PSPH: variants seen among roughly 807,000 people sequenced by gnomAD.
PSPH encodes L-3-phosphoserine phosphatase.
Under a neutral mutation model 23.4 loss-of-function variants are expected in PSPH, and 16 were observed. That is an observed-to-expected ratio of 0.68 (90% CI 0.46 to 1.04). The LOEUF is 1.04. Ranked by LOEUF, PSPH falls within the 50% of genes least tolerant of loss-of-function variation. The pLI is 0.00. For synonymous variants in PSPH, 68 were observed against 99.7 expected (o/e 0.68, Z 1.89); for missense variants, 223 against 273.7 (o/e 0.81, Z 1.31).
At chr7:56,026,588 G>A (rs1026153571) in intron 3 of PSPH, among the ~76,000 whole-genome samples, 1 of 150,888 alleles carries the variant, frequency 6.6e-6, no homozygotes, top group Non-Finnish European at 1.5e-5. Context: ...ATTGCTTAAG[G>A]CTAGGAGTTT....
In PSPH at chr7:56,011,245, A is replaced by G. The variant is rs1461895493; in HGVS notation, c.*517T>C. 3.3e-5 allele frequency: 5 copies of G among 153,152 alleles called. No individual in the cohort carries two copies. The highest frequency in any genetic ancestry group is 1.2e-4 in the African/African-American group (5 of 41,458). 9.5% of individuals were successfully genotyped at this position (153,152 alleles called of 1,614,324 possible). On this transcript the variant is annotated 3_prime_UTR_variant, in exon 8 of 8. Coordinates refer to ENST00000275605, the MANE Select transcript of PSPH (RefSeq NM_004577.4). Reference sequence around the variant, plus strand: ...TTCAGATCACAAAACTCTCTAGGACATTGGCTGGGCGCGGTGGCCCAAGCC... The same window carrying G: ...TTCAGATCACAAAACTCTCTAGGACGTTGGCTGGGCGCGGTGGCCCAAGCC...
At chr7:56,012,872 GGC>G (rs1045923436) in intron 7 of PSPH, among the ~76,000 whole-genome samples, 1 of 149,810 alleles carries the variant, frequency 6.7e-6, no homozygotes, top group Non-Finnish European at 1.5e-5. Flanking sequence ...TGGGATTACA[GGC>G]GTGAGCCACT....
At chr7:56,026,755 C>G (rs1790243617) in intron 3 of PSPH, among the ~76,000 whole-genome samples, 1 of 152,170 alleles carries the variant, frequency 6.6e-6, no homozygotes, top group Admixed American at 6.5e-5. Flanking sequence ...TTGAAGTCAG[C>G]AGGTCTATCA....
intron 7 of PSPH, among the ~76,000 whole-genome samples, chr7:56,014,275 A>C (rs1788304214): frequency 6.6e-6 from 1 of 152,212 alleles, no homozygotes; most frequent in African/African-American, 2.4e-5. Context: ...TGGGGAAATG[A>C]AATCAACTTA....
At chr7:56,017,008 T>C (rs1411370726) in intron 6 of PSPH, among the ~76,000 whole-genome samples, 13 of 152,202 alleles carry the variant, frequency 8.5e-5, no homozygotes. Context: ...CAGACATTTA[T>C]GTACAGACAG....
At chr7:56,039,774 C>CAA (rs67220264) in intron 1 of PSPH, among the ~76,000 whole-genome samples, 29 of 64,966 alleles carry the variant, frequency 4.5e-4, no homozygotes, top group African/African-American at 1.4e-3. Flanking sequence ...GACTCTGTCT[C>CAA]AAAAAAAAAA....
chr7:56,022,341 A>G (rs1789585072), intron 3 of PSPH, among the ~76,000 whole-genome samples: 1 of 152,098 alleles, frequency 6.6e-6, no homozygotes, highest in Admixed American at 6.6e-5. Flanking sequence ...CTCTAACTAA[A>G]AGAAAAAAAA....
At chr7:56,040,408 T>G (rs1261337466) in intron 1 of PSPH, among the ~76,000 whole-genome samples, 1 of 152,152 alleles carries the variant, frequency 6.6e-6, no homozygotes, top group Non-Finnish European at 1.5e-5. Flanking sequence ...TTTATTTTTT[T>G]GGGACAGGGT....
chr7:56,019,711 G>A lies in PSPH; in HGVS notation c.164C>T (p.Ala55Val), dbSNP rs1789068945. 1 of 1,613,734 alleles carries A rather than the reference G, an allele frequency of 6.2e-7. No individual in the cohort carries two copies. Among genetic ancestry groups the A allele is most frequent in the Non-Finnish European group, 8.5e-7 (1 of 1,179,884 alleles). The change falls in exon 5 of 8, where the codon GCA becomes GTA. Residue 55 changes from alanine to valine, a missense_variant. Coordinates refer to ENST00000275605, the MANE Select transcript of PSPH (RefSeq NM_004577.4). ...SEMTRRAMGG[A>V]VPFKAALTER... Reference sequence around the variant, plus strand: ...TGTGAGAGCAGCTTTGAAAGGCACTGCCCCGCCCATGGCTCGCCGTGTCCT... The same window carrying A: ...TGTGAGAGCAGCTTTGAAAGGCACTACCCCGCCCATGGCTCGCCGTGTCCT...
chr7:56,040,576 ATAGTAT>A (rs1326548323), intron 1 of PSPH, among the ~76,000 whole-genome samples: 2 of 152,064 alleles, frequency 1.3e-5, no homozygotes, highest in Non-Finnish European at 2.9e-5. Flanking sequence ...CGATATGATT[ATAGTAT>A]AAGAACTGTG....
intron 3 of PSPH, among the ~76,000 whole-genome samples, chr7:56,026,374 G>A (rs1415705251): frequency 2.6e-5 from 4 of 151,280 alleles, no homozygotes; most frequent in Admixed American, 2.0e-4. Context: ...TACTTGGGAC[G>A]GAGAGGCGGG....
At chr7:56,039,727 G>A (rs561241256) in intron 1 of PSPH, among the ~76,000 whole-genome samples, 2 of 135,290 alleles carry the variant, frequency 1.5e-5, no homozygotes, top group South Asian at 2.4e-4. Context: ...AGTAAGCCGA[G>A]ATTGCACCAC....
At chr7:56,026,933 C>T (rs34319969) in intron 3 of PSPH, among the ~76,000 whole-genome samples, 8,307 of 152,016 alleles carry the variant, frequency 0.055, 296 homozygotes, top group Middle Eastern at 0.078. Flanking sequence ...AGGCCCGGCA[C>T]GGTGGCTCAT....
intron 3 of PSPH, among the ~76,000 whole-genome samples, chr7:56,025,890 C>T (rs933092000): frequency 1.6e-4 from 25 of 152,270 alleles, no homozygotes; most frequent in African/African-American, 5.3e-4. Context: ...CCACCGCACC[C>T]GGCCTATGTC....
At chr7:56,038,883 C>T (rs910743148) in intron 1 of PSPH, among the ~76,000 whole-genome samples, 2 of 151,918 alleles carry the variant, frequency 1.3e-5, no homozygotes, top group Admixed American at 1.3e-4. Flanking sequence ...GTGGCTCACA[C>T]CTGTAATCAC....
At chr7:56,027,463 C>T (rs527791174) in intron 3 of PSPH, among the ~76,000 whole-genome samples, 14 of 151,712 alleles carry the variant, frequency 9.2e-5, no homozygotes, top group African/African-American at 2.7e-4. Context: ...CGGTGGCTCA[C>T]GCCTGTAATC....
intron 4 of PSPH, among the ~76,000 whole-genome samples, chr7:56,020,624 C>T (rs527752922): frequency 1.0e-4 from 8 of 78,052 alleles, no homozygotes; most frequent in African/African-American, 7.3e-4. Context: ...GACTCCGTCT[C>T]GAAAAAAAAA....
chr7:56,031,017 C>A (rs1347404077), intron 3 of PSPH, among the ~76,000 whole-genome samples: 1 of 151,466 alleles, frequency 6.6e-6, no homozygotes, highest in Non-Finnish European at 1.5e-5. Flanking sequence ...CGAGACCATC[C>A]TGGCTAACAA....
At chr7:56,012,116 T>C (rs1345110950) in intron 7 of PSPH, among the ~76,000 whole-genome samples, 1 of 151,834 alleles carries the variant, frequency 6.6e-6, no homozygotes, top group Non-Finnish European at 1.5e-5. Context: ...GCCAGGCTGC[T>C]CTCAACCTCC....
Sources: allele counts gnomAD v4.1 joint callset (sites outside exome capture counted in the v4.1 genomes callset), GRCh38; gene constraint gnomAD v4.1.1; transcripts MANE v1.5; gene names NCBI Gene and HGNC (gene_info 2026-07-23, HGNC 2026-07-21).